The following PTPRK variants were observed in gnomAD, a reference collection of about 807,000 sequenced individuals.
The protein encoded by PTPRK is receptor-type tyrosine-protein phosphatase kappa.
A neutral mutation model predicts 178.0 loss-of-function variants in PTPRK; 75 were observed. That is an observed-to-expected ratio of 0.42 (90% CI 0.35 to 0.51). The LOEUF is 0.51. PTPRK is among the 20% of genes least tolerant of loss of function. PTPRK has a pLI of 0.02. For missense variants in PTPRK, 1,441 were observed against 1,797.8 expected, an observed-to-expected ratio of 0.80 and a Z score of 3.59; for synonymous variants, 637 against 620.6, an observed-to-expected ratio of 1.03 and a Z score of -0.39.
At chr6:128,408,519 A>G (rs1841959796) in intron 1 of PTPRK, among the ~76,000 whole-genome samples, 1 of 152,242 alleles carries the variant, frequency 6.6e-6, no homozygotes, top group Non-Finnish European at 1.5e-5. Context: ...GCAAAAAAGC[A>G]AAGGATTGAC....
intron 7 of PTPRK, among the ~76,000 whole-genome samples, chr6:128,121,015 A>C (rs527877468): frequency 1.3e-5 from 2 of 152,046 alleles, no homozygotes; most frequent in South Asian, 4.1e-4. Flanking sequence ...TTTATTAATC[A>C]ATCAAAATAT....
chr6:128,240,071 T>C lies in PTPRK; in HGVS notation c.657A>G (p.Thr219=), dbSNP rs1261868439. 1 of 1,614,138 alleles carries C rather than the reference T, an allele frequency of 6.2e-7. No homozygotes were observed. The change falls in exon 5 of 30, where the codon ACA becomes ACG. Residue 219 remains threonine, a synonymous_variant. Coordinates refer to ENST00000368226, the MANE Select transcript of PTPRK (RefSeq NM_002844.4). The stretch of plus-strand genomic sequence containing the variant: ...ACTTGTTATGCACAGCATCTCTCCC[T>C]GTGGCAATGCACTGAAATGTAGCGT... ...GQNATFQCIA[T]GRDAVHNKLW... is the part of the protein sequence containing the mutation.
intron 29 of PTPRK, among the ~76,000 whole-genome samples, chr6:127,972,375 T>C (rs1774028697): frequency 6.6e-6 from 1 of 152,160 alleles, no homozygotes; most frequent in South Asian, 2.1e-4. Flanking sequence ...AGAAGTAAAA[T>C]GTGTTAGATA....
chr6:128,491,682 A>C (rs1280707577), intron 1 of PTPRK: 1 of 460,152 alleles, frequency 2.2e-6, no homozygotes, highest in Non-Finnish European at 4.4e-6. Context: ...ATCTGCCACT[A>C]AAACAAACAT....
Position 128,497,675 on chromosome 6 carries a change from C to T in PTPRK, c.100+22584G>A, listed in dbSNP as rs188698919. On this transcript the variant is annotated intron_variant, in intron 1 of 29. Transcript: ENST00000368226. ...ACTCTGTCATTCTTATACCTTCTTT[C>T]CCATTATTATACATTCCAGTGTTAA... 5.3e-4 allele frequency among the ~76,000 whole-genome samples: 81 copies of T among 152,232 alleles called. 1 individual carries two copies. Among genetic ancestry groups the T allele is most frequent in the African/African-American group, 1.9e-3 (78 of 41,532 alleles).
At chr6:128,405,522 A>G (rs1261740521) in intron 1 of PTPRK, among the ~76,000 whole-genome samples, 1 of 152,228 alleles carries the variant, frequency 6.6e-6, no homozygotes, top group Non-Finnish European at 1.5e-5. Flanking sequence ...ACAAAGCAAC[A>G]GAGAGTAAAT....
chr6:128,388,032 G>C (rs1428978709), intron 2 of PTPRK, among the ~76,000 whole-genome samples: 1 of 152,054 alleles, frequency 6.6e-6, no homozygotes, highest in Non-Finnish European at 1.5e-5. Context: ...GCTATCCTGG[G>C]CAGCATGTGG....
At chr6:127,983,454 G>T in intron 22 of PTPRK, 77 bp from the exon 23 acceptor site, 1 of 1,459,824 alleles carries the variant, frequency 6.9e-7, no homozygotes, top group Non-Finnish European at 9.4e-7. Flanking sequence ...TTTTTCCACT[G>T]TCAGATAGGT....
At position 128,397,932 on chromosome 6, in the gene PTPRK, T is replaced by C. The variant is rs186367358; in HGVS notation, c.101-244A>G. Among the ~76,000 whole-genome samples, 469 of 152,296 alleles carry C rather than the reference T, an allele frequency of 3.1e-3. 4 individuals carry two copies. The highest frequency in any genetic ancestry group is 0.01 in the Middle Eastern group (3 of 294). ...GGAAGACTGAGGCACAGATTTTGAA[T>C]TATTAAAAATAATAGATACATGCAT... On this transcript the variant is annotated intron_variant, in intron 1 of 29. Coordinates refer to ENST00000368226, the MANE Select transcript of PTPRK (RefSeq NM_002844.4).
Position 128,009,156 on chromosome 6 carries a change from T to C in PTPRK, c.2307A>G (p.Leu769=). The C allele has an allele frequency of 6.2e-7, 1 of 1,608,714 alleles. No homozygotes were observed. The change falls in exon 14 of 30, where the codon CTA becomes CTG. Residue 769 remains leucine, a synonymous_variant. Transcript: ENST00000368226. ...TCTTTTTTACAATTAATATGACAAC[T>C]AGGAGAAGGAGGATGAACACCAAAA... The part of the protein sequence containing the change: ...AGILVFILLL[L]VVILIVKKSK...
chr6:128,355,092 T>G (rs143245040), intron 2 of PTPRK, among the ~76,000 whole-genome samples: 137 of 152,346 alleles, frequency 9.0e-4, no homozygotes, highest in African/African-American at 3.2e-3. Flanking sequence ...AACAGCTAAC[T>G]CTAAAATTCT....
intron 6 of PTPRK, among the ~76,000 whole-genome samples, chr6:128,218,175 A>C (rs1271080111): frequency 2.0e-5 from 3 of 152,202 alleles, no homozygotes; most frequent in Non-Finnish European, 4.4e-5. Context: ...CTGTCTATAT[A>C]GTCTGCCTAA....
chr6:128,426,440 G>A (rs1358074660), intron 1 of PTPRK, among the ~76,000 whole-genome samples: 1 of 151,988 alleles, frequency 6.6e-6, no homozygotes, highest in East Asian at 1.9e-4. Flanking sequence ...AATCCCTTTG[G>A]AAGCATCATC....
At chr6:128,210,376 A>G (rs1807896431) in intron 6 of PTPRK, among the ~76,000 whole-genome samples, 1 of 150,412 alleles carries the variant, frequency 6.6e-6, no homozygotes, top group African/African-American at 2.5e-5. Context: ...AGGAAAAAAA[A>G]AAAACAGTAA....
intron 13 of PTPRK, among the ~76,000 whole-genome samples, chr6:128,049,579 T>C (rs905385073): frequency 3.2e-4 from 49 of 151,982 alleles, no homozygotes; most frequent in African/African-American, 1.2e-3. Context: ...CTTTTGTTAG[T>C]TTAATATGGA....
chr6:128,335,671 C>T (rs904843606), intron 2 of PTPRK, among the ~76,000 whole-genome samples: 8 of 151,766 alleles, frequency 5.3e-5, no homozygotes, highest in African/African-American at 1.9e-4. Context: ...AACTGAGATC[C>T]TAGGATATAA....
chr6:128,184,541 C>T lies in PTPRK; in HGVS notation c.1053G>A (p.Trp351Ter), dbSNP rs1414411546. ...HAVNAPTYKL[W>*]HLDPDTEYEI... The stretch of plus-strand genomic sequence containing the variant: ...CATATTCGGTATCTGGATCTAAATG[C>T]CATAATTTGTAAGTTGGAGCATTGA... Residue 351 changes from tryptophan (W) to a stop codon, truncating the protein, a stop_gained, in exon 7 of 30, where the codon TGG becomes TGA. Transcript: ENST00000368226. LOFTEE classifies it high-confidence loss of function. The T allele has an allele frequency of 1.2e-6, 2 of 1,613,856 alleles. No individual in the cohort carries two copies. Among genetic ancestry groups the T allele is most frequent in the South Asian group, 1.1e-5 (1 of 91,074 alleles).
At chr6:128,279,673 G>C (rs1271829820) in intron 3 of PTPRK, among the ~76,000 whole-genome samples, 1 of 152,018 alleles carries the variant, frequency 6.6e-6, no homozygotes, top group Non-Finnish European at 1.5e-5. Context: ...AGGCTTAATG[G>C]GGAATGCAAA....
At chr6:128,344,253 G>A (rs1832089725) in intron 2 of PTPRK, among the ~76,000 whole-genome samples, 2 of 152,052 alleles carry the variant, frequency 1.3e-5, no homozygotes, top group Admixed American at 1.3e-4. Context: ...TGTTTCTTAT[G>A]CCATCCTCTC....
Sources: allele counts gnomAD v4.1 joint callset (sites outside exome capture counted in the v4.1 genomes callset), GRCh38; gene constraint gnomAD v4.1.1; transcripts MANE v1.5; gene names NCBI Gene and HGNC (gene_info 2026-07-23, HGNC 2026-07-21).